The following FBLN5 variants were observed in gnomAD, a reference collection of about 807,000 sequenced individuals.
FBLN5 encodes fibulin 5.
A neutral mutation model predicts 61.6 loss-of-function variants in FBLN5; 24 were observed. The ratio of observed to expected loss-of-function variants is 0.39; its 90% confidence interval spans 0.28 to 0.55. The LOEUF (loss-of-function observed/expected upper bound fraction) is 0.55. FBLN5 is among the 20% of genes least tolerant of loss of function. The pLI, the probability that FBLN5 is intolerant of heterozygous loss-of-function variation, is 0.65. For missense variants in FBLN5, 470 were observed against 594.1 expected, an observed-to-expected ratio of 0.79 and a Z score of 2.17; for synonymous variants, 213 against 219.8, an observed-to-expected ratio of 0.97 and a Z score of 0.27.
chr14:91,877,529 G>C lies in FBLN5; in HGVS notation c.1143C>G (p.Phe381Leu). Residue 381 changes from phenylalanine to leucine, a missense_variant, in exon 10 of 11, where the codon TTC becomes TTG. Phe to Leu is a conservative substitution (Grantham distance 22, BLOSUM62 0). Coordinates refer to ENST00000342058, the MANE Select transcript of FBLN5 (RefSeq NM_006329.4). ...TTRYPGAYYI[F>L]QIKSGNEGRE... ...TGCCCTCATTCCCAGATTTGATCTG[G>C]AAAATGTAATAGGCCCCAGGGTAGC... is the stretch of plus-strand genomic sequence containing the variant. 1 of 1,614,126 alleles carries C rather than the reference G, an allele frequency of 6.2e-7. No individual in the cohort carries two copies. Among genetic ancestry groups the C allele is most frequent in the Non-Finnish European group, 8.5e-7 (1 of 1,180,016 alleles).
At chr14:91,939,042 AT>A (rs2056065156) in intron 3 of FBLN5, among the ~76,000 whole-genome samples, 1 of 152,108 alleles carries the variant, frequency 6.6e-6, no homozygotes, top group African/African-American at 2.4e-5. Flanking sequence ...CTGTTCATCG[AT>A]TTTTCAAACC....
chr14:91,916,567 G>T (rs1307049815), intron 4 of FBLN5, among the ~76,000 whole-genome samples: 1 of 152,154 alleles, frequency 6.6e-6, no homozygotes, highest in African/African-American at 2.4e-5. Context: ...AGTTTTCTTT[G>T]GGGGCAGTAT....
chr14:91,888,245 G>A (rs1889819245), intron 6 of FBLN5, among the ~76,000 whole-genome samples: 1 of 152,060 alleles, frequency 6.6e-6, no homozygotes, highest in Admixed American at 6.5e-5. Context: ...GCTGCAGTGA[G>A]CTGAGATCAT....
intron 4 of FBLN5, among the ~76,000 whole-genome samples, chr14:91,914,731 G>T (rs181374062): frequency 6.7e-6 from 1 of 150,352 alleles, no homozygotes; most frequent in East Asian, 1.9e-4. Context: ...AAAAGGAAAA[G>T]AAAGAGATCG....
intron 9 of FBLN5, among the ~76,000 whole-genome samples, chr14:91,880,807 T>A (rs1889404421): frequency 6.6e-6 from 1 of 152,084 alleles, no homozygotes; most frequent in South Asian, 2.1e-4. Flanking sequence ...CACCTCAGCC[T>A]CCCAAAGTGC....
Position 91,937,097 on chromosome 14 carries a change from G to T in FBLN5, c.229C>A (p.Arg77=). 1.9e-6 allele frequency: 3 copies of T among 1,613,994 alleles called. No individual in the cohort carries two copies. The highest frequency in any genetic ancestry group is 2.5e-6 in the Non-Finnish European group (3 of 1,179,982). ...LCIPRTNPVY[R]GPYSNPYSTP... is the part of the protein sequence containing the mutation. Reference sequence around the variant, plus strand: ...GAGTAGGGGTTCGAGTAGGGCCCTCGATACACAGGGTTTGTCCGGGGAATG... The same window carrying T: ...GAGTAGGGGTTCGAGTAGGGCCCTCTATACACAGGGTTTGTCCGGGGAATG... The change falls in exon 4 of 11, where the codon CGA becomes AGA. Residue 77 remains arginine (R), a synonymous_variant. Coordinates refer to ENST00000342058, the MANE Select transcript of FBLN5 (RefSeq NM_006329.4).
At chr14:91,940,195 A>G (rs1356732355) in intron 3 of FBLN5, among the ~76,000 whole-genome samples, 1 of 152,198 alleles carries the variant, frequency 6.6e-6, no homozygotes, top group East Asian at 1.9e-4. Flanking sequence ...ACACAGCCCT[A>G]CTGACACCTT....
rs3031542 is a variant in FBLN5, at chr14:91,922,314, GTAAATAAATAAA to G, written c.379+14621_379+14632del. On this transcript the variant is annotated intron_variant, in intron 4 of 10. Transcript: ENST00000342058. ...TCTCAAAAATAATAATAATAATAAA[GTAAATAAATAAA>G]TAAATAAATAAATAAATAAATAAAT... Among the ~76,000 whole-genome samples the G allele has an allele frequency of 3.9e-3, 554 of 143,540 alleles. 6 individuals carry two copies. Among genetic ancestry groups the G allele is most frequent in the Middle Eastern group, 0.011 (3 of 280 alleles). The allele number at this position is 143,540 out of a possible 152,430, so 94.2% of individuals were successfully genotyped here.
At chr14:91,903,307 C>A (rs1890538924) in intron 4 of FBLN5, among the ~76,000 whole-genome samples, 1 of 152,160 alleles carries the variant, frequency 6.6e-6, no homozygotes, top group South Asian at 2.1e-4. Context: ...GCTGCAATGC[C>A]TTGGCCAGGG....
At chr14:91,920,571 C>T (rs1385094309) in intron 4 of FBLN5, among the ~76,000 whole-genome samples, 1 of 152,168 alleles carries the variant, frequency 6.6e-6, no homozygotes, top group East Asian at 1.9e-4. Context: ...TTGGACAAAT[C>T]CTGTCATATC....
intron 10 of FBLN5, 97 bp from the exon 11 acceptor site, chr14:91,870,482 C>A: frequency 8.1e-7 from 1 of 1,236,368 alleles, no homozygotes; most frequent in South Asian, 1.2e-5. Flanking sequence ...GTCAAACTGG[C>A]ACCCCCTCGG....
At position 91,935,725 on chromosome 14, in the gene FBLN5, T is replaced by TA. The variant is rs149355643; in HGVS notation, c.379+1221dup. On this transcript the variant is annotated intron_variant, in intron 4 of 10. Coordinates refer to ENST00000342058, the MANE Select transcript of FBLN5 (RefSeq NM_006329.4). ...TTGGTAAAAAAAAGTCCCTTCCAGT[T>TA]ACAAAGGTCTTTCCTCCTGATGCTG... 4.2e-3 allele frequency among the ~76,000 whole-genome samples: 645 copies of TA among 152,324 alleles called. 4 individuals carry two copies. The highest frequency in any genetic ancestry group is 0.015 in the African/African-American group (614 of 41,576).
At chr14:91,892,556 G>A (rs1220083730) in intron 5 of FBLN5, among the ~76,000 whole-genome samples, 3 of 152,158 alleles carry the variant, frequency 2.0e-5, no homozygotes, top group Non-Finnish European at 2.9e-5. Flanking sequence ...TCTAAGTCCC[G>A]GCTACTTCTA....
At chr14:91,888,209 G>A (rs1889817839) in intron 6 of FBLN5, among the ~76,000 whole-genome samples, 1 of 152,112 alleles carries the variant, frequency 6.6e-6, no homozygotes, top group African/African-American at 2.4e-5. Flanking sequence ...TGAGGAGGGA[G>A]AATCACTTGA....
intron 4 of FBLN5, among the ~76,000 whole-genome samples, chr14:91,935,704 TAA>T (rs202179114): frequency 6.6e-6 from 1 of 151,964 alleles, no homozygotes; most frequent in African/African-American, 2.4e-5. Flanking sequence ...TAAAGATTGG[TAA>T]AAAAAAGTCC....
At chr14:91,883,482 A>G (rs1295460259) in intron 7 of FBLN5, among the ~76,000 whole-genome samples, 1 of 152,072 alleles carries the variant, frequency 6.6e-6, no homozygotes, top group Non-Finnish European at 1.5e-5. Context: ...CCAAAAAAAC[A>G]TTCCCTGGCC....
chr14:91,932,472 G>A (rs144735478), intron 4 of FBLN5, among the ~76,000 whole-genome samples: 73 of 152,294 alleles, frequency 4.8e-4, no homozygotes, highest in Admixed American at 1.6e-3. Flanking sequence ...GGCTTCATGC[G>A]GCACCAAGGG....
chr14:91,896,199 T>C (rs1307833599), intron 4 of FBLN5, among the ~76,000 whole-genome samples: 1 of 152,168 alleles, frequency 6.6e-6, no homozygotes, highest in Non-Finnish European at 1.5e-5. Context: ...CCCAAGATCC[T>C]GAAATGGACC....
At chr14:91,875,314 C>T (rs950080053) in intron 10 of FBLN5, among the ~76,000 whole-genome samples, 8 of 152,208 alleles carry the variant, frequency 5.3e-5, no homozygotes, top group African/African-American at 7.2e-5. Context: ...TAGAGAGGAA[C>T]GGGGAATGCA....
Sources: gnomAD v4.1 joint callset for allele counts (sites outside exome capture counted in the v4.1 genomes callset) on GRCh38, gnomAD v4.1.1 for gene constraint, MANE v1.5 for transcripts, NCBI Gene and HGNC (gene_info 2026-07-23, HGNC 2026-07-21) for gene names.